UNC5D: variants seen among roughly 807,000 people sequenced by gnomAD.
UNC5D encodes the protein unc-5 netrin receptor D.
A neutral mutation model predicts 105.4 loss-of-function variants in UNC5D; 39 were observed. The ratio of observed to expected loss-of-function variants is 0.37; its 90% confidence interval spans 0.29 to 0.48. The LOEUF is 0.48. Among genes scored for constraint, UNC5D ranks in the 20% least tolerant of loss-of-function variants. UNC5D has a pLI of 0.98. For missense variants in UNC5D, 991 were observed against 1,202.4 expected, an observed-to-expected ratio of 0.82 and a Z score of 2.60; for synonymous variants, 452 against 450.4, an observed-to-expected ratio of 1.00 and a Z score of -0.04.
At chr8:35,767,113 A>G (rs751568817) in intron 15 of UNC5D, 47 bp downstream of exon 15, 12 of 1,552,426 alleles carry the variant, frequency 7.7e-6, no homozygotes, top group African/African-American at 1.4e-5. Flanking sequence ...CTGAAGGACG[A>G]TAAGAATAAT....
chr8:35,698,895 T>C (rs1308665365), intron 7 of UNC5D, among the ~76,000 whole-genome samples: 1 of 152,122 alleles, frequency 6.6e-6, no homozygotes, highest in African/African-American at 2.4e-5. Context: ...TTTGAATATA[T>C]ACAGTATATA....
At chr8:35,274,529 C>CG (rs774031557) in intron 1 of UNC5D, among the ~76,000 whole-genome samples, 5 of 152,128 alleles carry the variant, frequency 3.3e-5, no homozygotes, top group Non-Finnish European at 7.4e-5. Context: ...TAGAAGACGA[C>CG]GGCCTGTGGA....
At chr8:35,786,107 TAATGCCTTGAAAATGGCATTTAA>T (rs1402659482) in intron 16 of UNC5D, among the ~76,000 whole-genome samples, 3 of 152,202 alleles carry the variant, frequency 2.0e-5, no homozygotes, top group African/African-American at 7.2e-5. Context: ...CTTACATTTA[TAATGCCTTGAAAATGGCATTTAA>T]AATGCCATTT....
At chr8:35,307,256 A>T (rs1023399462) in intron 1 of UNC5D, among the ~76,000 whole-genome samples, 4 of 152,196 alleles carry the variant, frequency 2.6e-5, no homozygotes. Context: ...CCATAAGATA[A>T]CTTAGAATTC....
chr8:35,402,505 T>A (rs1011628503), intron 1 of UNC5D, among the ~76,000 whole-genome samples: 2 of 152,070 alleles, frequency 1.3e-5, no homozygotes, highest in Non-Finnish European at 2.9e-5. Flanking sequence ...AATTATGGGA[T>A]CTACAATTCA....
intron 1 of UNC5D, among the ~76,000 whole-genome samples, chr8:35,359,141 C>A (rs191308831): frequency 2.6e-5 from 4 of 152,290 alleles, no homozygotes; most frequent in African/African-American, 9.6e-5. Flanking sequence ...CCAAGCAAGA[C>A]CCTGTCTTTA....
In UNC5D at chr8:35,593,522, G is replaced by A. The variant is rs77243409; in HGVS notation, c.467-2032G>A. ...AATCCAAGCATTTCGGGAGGCCAAG[G>A]CAGGAGGATCGGAGGAGGAGTTGGA... On this transcript the variant is annotated intron_variant, in intron 3 of 16. Coordinates refer to ENST00000404895, the MANE Select transcript of UNC5D (RefSeq NM_080872.4). Among the ~76,000 whole-genome samples, 1,189 of 152,282 alleles carry A rather than the reference G, an allele frequency of 7.8e-3. 19 individuals are homozygous for A. Among genetic ancestry groups the A allele is most frequent in the African/African-American group, 0.027 (1,130 of 41,568 alleles).
At chr8:35,527,620 G>A (rs1288519079) in intron 1 of UNC5D, among the ~76,000 whole-genome samples, 3 of 151,974 alleles carry the variant, frequency 2.0e-5, no homozygotes. Flanking sequence ...TCGACTCACT[G>A]CAACCTCTGC....
At chr8:35,526,163 C>G (rs769883957) in intron 1 of UNC5D, among the ~76,000 whole-genome samples, 1 of 152,198 alleles carries the variant, frequency 6.6e-6, no homozygotes, top group Non-Finnish European at 1.5e-5. Context: ...ATTAATCTCA[C>G]TGAAATCTGG....
In UNC5D at chr8:35,235,570, G is replaced by T. The variant is rs1052458546; in HGVS notation, c.-215G>T. On this transcript the variant is annotated 5_prime_UTR_variant, in exon 1 of 17. Coordinates refer to ENST00000404895, the MANE Select transcript of UNC5D (RefSeq NM_080872.4). The stretch of plus-strand genomic sequence containing the variant: ...ATCCGCGCTGGCGGCAGCGGTCGCC[G>T]CGCCGTGGGAAGCTATGGGGACGCG... 7.8e-5 allele frequency: 30 copies of T among 382,456 alleles called. No homozygotes were observed. Among genetic ancestry groups the T allele is most frequent in the African/African-American group, 5.2e-4 (25 of 47,972 alleles). 23.7% of individuals were successfully genotyped at this position (382,456 alleles called of 1,614,324 possible).
chr8:35,266,377 T>C lies in UNC5D; in HGVS notation c.103+30490T>C, dbSNP rs944790906. Among the ~76,000 whole-genome samples, 11 of 152,316 alleles carry C rather than the reference T, an allele frequency of 7.2e-5. No homozygotes were observed. In the South Asian group the frequency reaches 2.3e-3, roughly 32 times the overall value. On this transcript the variant is annotated intron_variant, in intron 1 of 16. Transcript: ENST00000404895. ...ATATATAGTAAATACTGTTGAACCA[T>C]ATATAGTAAATACTGTTGAAGATTT...
At chr8:35,746,223 T>C (rs928308869) in intron 11 of UNC5D, among the ~76,000 whole-genome samples, 1 of 152,176 alleles carries the variant, frequency 6.6e-6, no homozygotes, top group African/African-American at 2.4e-5. Flanking sequence ...TTTCCTGCCA[T>C]CACCTTGATT....
intron 1 of UNC5D, among the ~76,000 whole-genome samples, chr8:35,468,145 A>G (rs1250168355): frequency 1.8e-4 from 27 of 152,162 alleles, no homozygotes; most frequent in Admixed American, 1.7e-3. Context: ...AATAGTTGAA[A>G]CTAACTTAGC....
At chr8:35,789,157 A>ATG (rs1391866349) in intron 16 of UNC5D, among the ~76,000 whole-genome samples, 9 of 80,792 alleles carry the variant, frequency 1.1e-4, no homozygotes, top group African/African-American at 3.6e-4. Context: ...ATATATATAT[A>ATG]TATATATATA....
At chr8:35,544,285 T>G in intron 1 of UNC5D, 1 of 1,254,720 alleles carries the variant, frequency 8.0e-7, no homozygotes, top group East Asian at 2.7e-5. Context: ...GGCATTAGGA[T>G]TTAATTAAGT....
chr8:35,787,249 G>A (rs1433482087), intron 16 of UNC5D, among the ~76,000 whole-genome samples: 1 of 152,194 alleles, frequency 6.6e-6, no homozygotes, highest in East Asian at 1.9e-4. Context: ...ATCGTTGTTT[G>A]ATAGCAAATA....
chr8:35,665,253 C>T (rs144738105), intron 4 of UNC5D, among the ~76,000 whole-genome samples: 146 of 152,310 alleles, frequency 9.6e-4, no homozygotes, highest in African/African-American at 3.4e-3. Context: ...AAAGGAGTTA[C>T]AACTTCCTTT....
At chr8:35,625,259 A>G (rs1586279672) in intron 4 of UNC5D, among the ~76,000 whole-genome samples, 1 of 152,236 alleles carries the variant, frequency 6.6e-6, no homozygotes, top group East Asian at 1.9e-4. Context: ...AATGCGCCTT[A>G]TAGGTGCTCT....
intron 1 of UNC5D, among the ~76,000 whole-genome samples, chr8:35,304,637 A>G (rs903510657): frequency 2.6e-5 from 4 of 152,022 alleles, no homozygotes; most frequent in Non-Finnish European, 5.9e-5. Flanking sequence ...ACAGAAAAAA[A>G]AGAAGAGTGA....
Sources: allele counts gnomAD v4.1 joint callset (sites outside exome capture counted in the v4.1 genomes callset), GRCh38; gene constraint gnomAD v4.1.1; transcripts MANE v1.5; gene names NCBI Gene and HGNC (gene_info 2026-07-23, HGNC 2026-07-21).